Variants in MAN2A1 observed in about 807,000 individuals in gnomAD.
The protein encoded by MAN2A1 is alpha-mannosidase 2.
A neutral mutation model predicts 142.6 loss-of-function variants in MAN2A1; 76 were observed. The ratio of observed to expected loss-of-function variants is 0.53; its 90% confidence interval spans 0.44 to 0.65. The LOEUF (loss-of-function observed/expected upper bound fraction) is 0.65, where lower values mean the gene tolerates loss of function less well. Among genes scored for constraint, MAN2A1 ranks in the 30% least tolerant of loss-of-function variants. The pLI is 0.00. For synonymous variants in MAN2A1, 559 were observed against 473.2 expected (o/e 1.18, Z -2.35); for missense variants, 1,311 against 1,365.1 (o/e 0.96, Z 0.62).
intron 1 of MAN2A1, among the ~76,000 whole-genome samples, chr5:109,706,686 C>T (rs902894760): frequency 6.6e-6 from 1 of 151,824 alleles, no homozygotes; most frequent in African/African-American, 2.4e-5. Flanking sequence ...ATGACATAAT[C>T]AGAGTCCAGA....
At chr5:109,839,349 T>C (rs935588097) in intron 16 of MAN2A1, among the ~76,000 whole-genome samples, 6 of 152,216 alleles carry the variant, frequency 3.9e-5, no homozygotes, top group Admixed American at 2.6e-4. Flanking sequence ...GAGAAGATAC[T>C]GTTATTTATC....
chr5:109,817,534 G>T, intron 13 of MAN2A1, 96 bp downstream of exon 13: 1 of 1,211,550 alleles, frequency 8.3e-7, no homozygotes, highest in African/African-American at 1.5e-5. Context: ...TAGCCATCAT[G>T]TTGGTGTATG....
At chr5:109,769,132 AACCTTTTGTGGCG>A in intron 6 of MAN2A1, among the ~76,000 whole-genome samples, 1 of 152,286 alleles carries the variant, frequency 6.6e-6, no homozygotes, top group South Asian at 2.1e-4. Flanking sequence ...GACTTGTGAC[AACCTTTTGTGGCG>A]ACTATATGCT....
chr5:109,825,149 G>A (rs1445853426), intron 16 of MAN2A1, among the ~76,000 whole-genome samples: 1 of 152,124 alleles, frequency 6.6e-6, no homozygotes, highest in Non-Finnish European at 1.5e-5. Flanking sequence ...GTCAGAAACT[G>A]TTTTTGATCA....
intron 4 of MAN2A1, among the ~76,000 whole-genome samples, chr5:109,748,385 G>T (rs1752459774): frequency 6.8e-6 from 1 of 146,054 alleles, no homozygotes; most frequent in Non-Finnish European, 1.5e-5. Flanking sequence ...TGAAATATCT[G>T]CATTGTATCT....
chr5:109,818,012 C>T (rs1276959014), intron 13 of MAN2A1, among the ~76,000 whole-genome samples: 2 of 152,104 alleles, frequency 1.3e-5, no homozygotes, highest in African/African-American at 2.4e-5. Context: ...GATCACTGTA[C>T]CACTAGAAAG....
At chr5:109,835,913 A>C (rs1305537235) in intron 16 of MAN2A1, among the ~76,000 whole-genome samples, 1 of 152,170 alleles carries the variant, frequency 6.6e-6, no homozygotes, top group African/African-American at 2.4e-5. Context: ...AGTTGGTGGT[A>C]CAGAGGAAGT....
chr5:109,732,021 C>T (rs36150154), intron 4 of MAN2A1, among the ~76,000 whole-genome samples: 56,393 of 151,342 alleles, frequency 0.37, 11,275 homozygotes, highest in African/African-American at 0.53. Context: ...TCTCCAGCAC[C>T]TGTTGTTTCC....
intron 1 of MAN2A1, among the ~76,000 whole-genome samples, chr5:109,702,315 TTGTGTGTGTGTGTGTGTGTG>T (rs34048618): frequency 1.4e-5 from 2 of 144,032 alleles, no homozygotes; most frequent in African/African-American, 5.2e-5. Flanking sequence ...AGAACATAAA[TTGTGTGTGTGTGTGTGTGTG>T]TGTGTGTGTG....
At chr5:109,820,776 C>A (rs1011499591) in intron 15 of MAN2A1, among the ~76,000 whole-genome samples, 1 of 152,142 alleles carries the variant, frequency 6.6e-6, no homozygotes, top group East Asian at 1.9e-4. Context: ...GCACTCCAGC[C>A]TGGGTTGACG....
At chr5:109,823,992 T>G (rs1754696521) in intron 16 of MAN2A1, among the ~76,000 whole-genome samples, 155 bp downstream of exon 16, 1 of 152,216 alleles carries the variant, frequency 6.6e-6, no homozygotes, top group African/African-American at 2.4e-5. Flanking sequence ...AAACTTACCC[T>G]TTGATAATAA....
intron 20 of MAN2A1, among the ~76,000 whole-genome samples, chr5:109,859,701 T>C (rs1257867074): frequency 1.3e-5 from 2 of 151,966 alleles, no homozygotes; most frequent in African/African-American, 4.8e-5. Flanking sequence ...AGAAGGGAGA[T>C]TGGGTAGAGA....
intron 4 of MAN2A1, among the ~76,000 whole-genome samples, chr5:109,730,688 C>A (rs776856456): frequency 6.6e-6 from 1 of 152,074 alleles, no homozygotes; most frequent in African/African-American, 2.4e-5. Flanking sequence ...CTGTATTAGT[C>A]CCTGTTCTAA....
intron 3 of MAN2A1, 103 bp downstream of exon 3, chr5:109,716,367 A>G (rs1356824603): frequency 2.3e-6 from 2 of 862,596 alleles, no homozygotes; most frequent in Non-Finnish European, 3.6e-6. Flanking sequence ...TTTTTGAGAC[A>G]TTATTCTCTG....
chr5:109,866,000 G>A (rs1363429950), intron 21 of MAN2A1, among the ~76,000 whole-genome samples: 1 of 152,142 alleles, frequency 6.6e-6, no homozygotes, highest in Non-Finnish European at 1.5e-5. Context: ...AAGTGATTCA[G>A]TTCCAACCCT....
chr5:109,793,274 G>C (rs991484985), intron 12 of MAN2A1, among the ~76,000 whole-genome samples: 3 of 152,058 alleles, frequency 2.0e-5, no homozygotes, highest in Admixed American at 2.0e-4. Context: ...CATATGGCTG[G>C]CAGTTAATGC....
intron 7 of MAN2A1, among the ~76,000 whole-genome samples, chr5:109,771,962 A>C (rs560300580): frequency 6.6e-6 from 1 of 152,256 alleles, no homozygotes; most frequent in South Asian, 2.1e-4. Context: ...TCCTTTTGCT[A>C]TGTCATCTAA....
At chr5:109,740,319 G>A (rs974167287) in intron 4 of MAN2A1, among the ~76,000 whole-genome samples, 1 of 152,218 alleles carries the variant, frequency 6.6e-6, no homozygotes, top group African/African-American at 2.4e-5. Context: ...ATCTGGAAAA[G>A]GAGTGCCCCA....
At chr5:109,852,197 A>G (rs1260139988) in intron 19 of MAN2A1, among the ~76,000 whole-genome samples, 1 of 151,656 alleles carries the variant, frequency 6.6e-6, no homozygotes, top group Non-Finnish European at 1.5e-5. Flanking sequence ...TGTGTGATCT[A>G]CAAATCTGCC....
Sources: allele counts gnomAD v4.1 joint callset (sites outside exome capture counted in the v4.1 genomes callset), GRCh38; gene constraint gnomAD v4.1.1; transcripts MANE v1.5; gene names NCBI Gene and HGNC (gene_info 2026-07-23, HGNC 2026-07-21).